PACS2: variants seen among roughly 807,000 people sequenced by gnomAD.
PACS2 encodes the protein PACS1-like protein.
In PACS2, 36 loss-of-function variants were observed where a neutral mutation model predicts 113.0. The ratio of observed to expected loss-of-function variants is 0.32; its 90% CI spans 0.24 to 0.42. The LOEUF is 0.42. PACS2 is among the 10% of genes least tolerant of loss of function. PACS2 has a pLI of 1.00. For missense variants in PACS2, 1,015 were observed against 1,239.5 expected, an observed-to-expected ratio of 0.82 and a Z score of 2.72; for synonymous variants, 589 against 536.1, an observed-to-expected ratio of 1.10 and a Z score of -1.36.
At chr14:105,303,637 A>G (rs975869228) in intron 1 of PACS2, among the ~76,000 whole-genome samples, 2 of 152,070 alleles carry the variant, frequency 1.3e-5, no homozygotes, top group Non-Finnish European at 2.9e-5. Context: ...TCTCCCTGTA[A>G]TTACCACTTT....
In PACS2 at chr14:105,376,403, G is replaced by T. The variant is rs1384733695; in HGVS notation, c.802-365G>T. Among the ~76,000 whole-genome samples the T allele has an allele frequency of 6.6e-6, 1 of 152,144 alleles. No homozygotes were observed. The highest frequency in any genetic ancestry group is 1.5e-5 in the Non-Finnish European group (1 of 68,030). On this transcript the variant is annotated intron_variant, in intron 8 of 24. Coordinates refer to ENST00000447393, the MANE Select transcript of PACS2 (RefSeq NM_001100913.3). This position sits in a 1 kb window ranked among gnomAD's most constrained non-coding sequence, Gnocchi z 4.7. ...GGGGACGCACTAGAGGAAGGCAAAGGGGAGCCTCCTGGGTGTGGGGAGCAC... is the reference window on the plus strand; with the variant it reads ...GGGGACGCACTAGAGGAAGGCAAAGTGGAGCCTCCTGGGTGTGGGGAGCAC...
At chr14:105,375,481 CAAAAAAAAAAAAA>C (rs34549878) in intron 8 of PACS2, among the ~76,000 whole-genome samples, 1 of 51,410 alleles carries the variant, frequency 1.9e-5, no homozygotes, top group Admixed American at 1.9e-4. Flanking sequence ...GACTCCATCT[CAAAAAAAAAAAAA>C]AAAAAAAAAT....
At chr14:105,362,184 C>A (rs1395971974) in intron 4 of PACS2, among the ~76,000 whole-genome samples, 2 of 151,708 alleles carry the variant, frequency 1.3e-5, no homozygotes, top group South Asian at 2.1e-4. Flanking sequence ...TTTGGGAGGC[C>A]ACGGTGGGCG....
intron 19 of PACS2, 91 bp downstream of exon 19, chr14:105,385,808 T>C (rs935372879): frequency 2.7e-6 from 2 of 749,092 alleles, no homozygotes; most frequent in Admixed American, 6.3e-5. Flanking sequence ...ATCACCCCGC[T>C]GTCCTCTCTC....
intron 1 of PACS2, among the ~76,000 whole-genome samples, chr14:105,347,950 T>A (rs1046444528): frequency 6.6e-6 from 1 of 152,136 alleles, no homozygotes; most frequent in South Asian, 2.1e-4. Context: ...CTTCAGACTG[T>A]CCCTGGCGTC....
In PACS2 at chr14:105,309,170, T is replaced by C. The variant is rs1430844487; in HGVS notation, c.-83+8191T>C. ...CCTTTCTTTTCTAATATTTAAGTTATGTCCTGGCTTATTGTGATGATATTC... is the reference window on the plus strand; with the variant it reads ...CCTTTCTTTTCTAATATTTAAGTTACGTCCTGGCTTATTGTGATGATATTC... On this transcript the variant is annotated intron_variant, in intron 1 of 23. Transcript: ENST00000430725. This position sits in a 1 kb window ranked among gnomAD's most constrained non-coding sequence, Gnocchi z 4.0. Among the ~76,000 whole-genome samples the C allele has an allele frequency of 2.6e-5, 4 of 152,158 alleles. No homozygotes were observed. Among genetic ancestry groups the C allele is most frequent in the Non-Finnish European group, 2.9e-5 (2 of 68,018 alleles).
rs2058991966 is a variant in PACS2 at position 105,323,873 on chromosome 14, G to A, written c.119+8836G>A. On this transcript the variant is annotated intron_variant, in intron 1 of 24. Transcript: ENST00000447393. The surrounding 1 kb of genome is among the most constrained non-coding windows in gnomAD (Gnocchi z 4.1). The stretch of plus-strand genomic sequence containing the variant: ...CAGGACGGTGCCCGTAGCCCTGGAG[G>A]CCTTGGGGATTCGGAGGACCTGGCC... 6.6e-6 allele frequency among the ~76,000 whole-genome samples: 1 copy of A among 152,238 alleles called. No homozygotes were observed. The highest frequency in any genetic ancestry group is 6.5e-5 in the Admixed American group (1 of 15,288).
Position 105,392,838 on chromosome 14 carries a change from CAAG to C in PACS2, c.2479_2481del (p.Lys827del). The C allele has an allele frequency of 6.2e-7, 1 of 1,600,730 alleles. No homozygotes were observed. Among genetic ancestry groups the C allele is most frequent in the Admixed American group, 1.7e-5 (1 of 60,010 alleles). Reference sequence around the variant, plus strand: ...TGACCGTGGTCACCAAGGAGAAGAACAAGAAGGGTGAGGTGGGGCAGGCTATAA... The same window carrying C: ...TGACCGTGGTCACCAAGGAGAAGAACAAGGGTGAGGTGGGGCAGGCTATAA... On this transcript the variant is annotated inframe_deletion, in exon 23 of 25. Coordinates refer to ENST00000447393, the MANE Select transcript of PACS2 (RefSeq NM_001100913.3).
intron 1 of PACS2, among the ~76,000 whole-genome samples, chr14:105,332,111 C>T (rs922999773): frequency 1.3e-5 from 2 of 152,242 alleles, no homozygotes; most frequent in Admixed American, 1.3e-4. Context: ...TTGGGACTTA[C>T]TGAATATGAG....
intron 1 of PACS2, among the ~76,000 whole-genome samples, chr14:105,321,746 G>T (rs747903222): frequency 8.6e-5 from 13 of 151,626 alleles, no homozygotes; most frequent in Non-Finnish European, 1.8e-4. Flanking sequence ...TTTTCTCATT[G>T]TATGACTGCT....
chr14:105,347,319 T>G (rs1424893391), intron 1 of PACS2, among the ~76,000 whole-genome samples: 2 of 151,932 alleles, frequency 1.3e-5, no homozygotes, highest in Non-Finnish European at 2.9e-5. Context: ...TCCCGTTGCC[T>G]GGGGGCAGGG....
intron 1 of PACS2, among the ~76,000 whole-genome samples, chr14:105,331,986 C>G (rs1566910056): frequency 2.6e-5 from 4 of 152,214 alleles, no homozygotes; most frequent in African/African-American, 4.8e-5. Flanking sequence ...TTTGAGGAGT[C>G]TGCGATCAGC....
At chr14:105,369,975 C>A in intron 8 of PACS2, 75 bp downstream of exon 8, 2 of 1,289,684 alleles carry the variant, frequency 1.6e-6, no homozygotes, top group Non-Finnish European at 1.1e-6. Context: ...CCTCTGGGGT[C>A]TGTCTCCGGG....
chr14:105,394,811 C>G lies in PACS2; in HGVS notation c.*139C>G. 1.5e-6 allele frequency: 1 copy of G among 669,292 alleles called. No homozygotes were observed. Among genetic ancestry groups the G allele is most frequent in the Non-Finnish European group, 2.7e-6 (1 of 371,200 alleles). The allele number at this position is 669,292 out of a possible 1,614,324, so 41.5% of individuals were successfully genotyped here. ...GTCTTAAGTATGAATGTGCTCACAA[C>G]GTGGAAACTAACGGGGGAGCTCCTG... On this transcript the variant is annotated 3_prime_UTR_variant, in exon 25 of 25. Transcript: ENST00000447393.
At chr14:105,346,575 A>G (rs1420596749) in intron 1 of PACS2, among the ~76,000 whole-genome samples, 2 of 61,068 alleles carry the variant, frequency 3.3e-5, no homozygotes, top group African/African-American at 1.4e-4. Flanking sequence ...CACGCGCACG[A>G]CTTCCCCCCC....
chr14:105,333,087 C>T (rs1445916855), intron 1 of PACS2, among the ~76,000 whole-genome samples: 1 of 148,982 alleles, frequency 6.7e-6, no homozygotes, highest in Non-Finnish European at 1.5e-5. Flanking sequence ...GACCAACTGG[C>T]GTGGGTGTGA....
intron 8 of PACS2, chr14:105,371,667 C>G (rs1566950720): frequency 6.6e-6 from 1 of 152,210 alleles, no homozygotes; most frequent in Non-Finnish European, 1.5e-5. Flanking sequence ...CTGGCACTGC[C>G]CCCTGCCCAG....
At position 105,354,696 on chromosome 14, in the gene PACS2, C is replaced by A. The variant is rs1023085749; in HGVS notation, c.298-356C>A. Among the ~76,000 whole-genome samples, 3 of 152,210 alleles carry A rather than the reference C, an allele frequency of 2.0e-5. No individual in the cohort carries two copies. The highest frequency in any genetic ancestry group is 7.2e-5 in the African/African-American group (3 of 41,462). ...GTCCTGGGTCCCACCTTGCTGATTG[C>A]CTCAGGCACATGAGCCGCCACACTG... On this transcript the variant is annotated intron_variant, in intron 3 of 24. Transcript: ENST00000447393. This position sits in a 1 kb window ranked among gnomAD's most constrained non-coding sequence, Gnocchi z 4.2.
Position 105,367,149 on chromosome 14 carries a change from A to G in PACS2, c.424-64A>G, listed in dbSNP as rs182338798. 8.4e-4 allele frequency: 1,235 copies of G among 1,478,724 alleles called. 6 individuals carry two copies. The African/African-American group carries it at 0.011, about 14-fold the overall frequency. 91.6% of individuals were successfully genotyped at this position (1,478,724 alleles called of 1,614,324 possible). ...AAGCCCTTCAGAAACCCCAGCCCACACATCAGGGCACCGGGGCTCCTTCCC... is the reference window on the plus strand; with the variant it reads ...AAGCCCTTCAGAAACCCCAGCCCACGCATCAGGGCACCGGGGCTCCTTCCC... On this transcript the variant is annotated intron_variant, in intron 4 of 24. Transcript: ENST00000447393.
Sources: allele counts gnomAD v4.1 joint callset (sites outside exome capture counted in the v4.1 genomes callset), GRCh38; gene constraint gnomAD v4.1.1; non-coding constraint Gnocchi (gnomAD v3.1); transcripts MANE v1.5; gene names NCBI Gene and HGNC (gene_info 2026-07-23, HGNC 2026-07-21).